CDH2: variants seen among roughly 807,000 people sequenced by gnomAD.
CDH2 encodes cadherin 2.
CDH2 carries 17 observed loss-of-function variants against 92.0 expected under a neutral mutation model. The ratio of observed to expected loss-of-function variants is 0.18; its 90% CI spans 0.13 to 0.28. The LOEUF (loss-of-function observed/expected upper bound fraction) is 0.28. Among genes scored for constraint, CDH2 ranks in the 10% least tolerant of loss-of-function variants. The pLI is 1.00. For missense variants in CDH2, 862 were observed against 1,133.1 expected (o/e 0.76, Z 3.44); for synonymous variants, 419 against 415.9 (o/e 1.01, Z -0.09).
chr18:28,091,457 T>C (rs946840894), intron 2 of CDH2, among the ~76,000 whole-genome samples: 3 of 152,228 alleles, frequency 2.0e-5, no homozygotes, highest in Non-Finnish European at 4.4e-5. Context: ...TCTCTGTATG[T>C]TTTTGTAAAG....
intron 2 of CDH2, among the ~76,000 whole-genome samples, chr18:28,144,710 G>A (rs544678905): frequency 1.3e-5 from 2 of 151,966 alleles, no homozygotes; most frequent in African/African-American, 2.4e-5. Context: ...TGGGACAAAG[G>A]CCTATATAGC....
At chr18:28,153,450 C>T (rs1008559876) in intron 1 of CDH2, among the ~76,000 whole-genome samples, 3 of 152,138 alleles carry the variant, frequency 2.0e-5, no homozygotes, top group Non-Finnish European at 4.4e-5. Context: ...AATGAGATAC[C>T]CCAAAGTCTT....
intron 2 of CDH2, among the ~76,000 whole-genome samples, chr18:28,085,457 G>A (rs545788369): frequency 2.0e-5 from 3 of 151,890 alleles, no homozygotes; most frequent in Non-Finnish European, 2.9e-5. Context: ...TTTCCATCCT[G>A]CCCCTCAAAT....
chr18:28,094,723 A>G (rs1366121170), intron 2 of CDH2, among the ~76,000 whole-genome samples: 25 of 143,046 alleles, frequency 1.7e-4, no homozygotes, highest in Middle Eastern at 3.7e-3. Context: ...GAACCCGGGA[A>G]GCGGAGCTTG....
chr18:27,960,903 T>C (rs1246354736), intron 15 of CDH2, among the ~76,000 whole-genome samples: 1 of 152,140 alleles, frequency 6.6e-6, no homozygotes, highest in African/African-American at 2.4e-5. Context: ...GAGCACTGTT[T>C]AGGAGAAAGA....
intron 2 of CDH2, among the ~76,000 whole-genome samples, chr18:28,114,477 C>T (rs1012387374): frequency 1.3e-5 from 2 of 151,504 alleles, no homozygotes; most frequent in Non-Finnish European, 2.9e-5. Flanking sequence ...TATATCCAAT[C>T]GGAAAAAAAA....
chr18:27,955,384 A>G (rs1309903853), intron 15 of CDH2, among the ~76,000 whole-genome samples: 14 of 86,216 alleles, frequency 1.6e-4, no homozygotes, highest in Non-Finnish European at 2.6e-4. Flanking sequence ...AAAAAAAAAA[A>G]AGAAAAAGAA....
intron 9 of CDH2, among the ~76,000 whole-genome samples, chr18:27,992,163 G>C (rs1359805833): frequency 1.3e-5 from 2 of 152,064 alleles, no homozygotes; most frequent in Non-Finnish European, 2.9e-5. Context: ...TTTCTGGTTT[G>C]TTCACTATCT....
downstream of CDH2, among the ~76,000 whole-genome samples, chr18:27,946,304 A>T (rs1909267057): frequency 6.6e-6 from 1 of 152,180 alleles, no homozygotes; most frequent in South Asian, 2.1e-4. Flanking sequence ...TTAATAGAAT[A>T]ATAATATTTG....
chr18:28,132,574 A>G (rs1387147968), intron 2 of CDH2, among the ~76,000 whole-genome samples: 3 of 152,148 alleles, frequency 2.0e-5, no homozygotes, highest in Non-Finnish European at 2.9e-5. Flanking sequence ...TCACTGATCC[A>G]AAGGGGTTCC....
At chr18:28,154,512 T>A (rs1318612034) in intron 1 of CDH2, among the ~76,000 whole-genome samples, 1 of 152,244 alleles carries the variant, frequency 6.6e-6, no homozygotes, top group Non-Finnish European at 1.5e-5. Flanking sequence ...AGAAGTGTAA[T>A]AGGAGTTGAG....
At chr18:27,996,460 A>G (rs1415298640) in intron 7 of CDH2, among the ~76,000 whole-genome samples, 1 of 152,170 alleles carries the variant, frequency 6.6e-6, no homozygotes, top group Non-Finnish European at 1.5e-5. Flanking sequence ...CTAGAATACC[A>G]TTCCCTTCAT....
At chr18:28,093,375 A>T (rs1296461213) in intron 2 of CDH2, among the ~76,000 whole-genome samples, 1 of 152,128 alleles carries the variant, frequency 6.6e-6, no homozygotes, top group Non-Finnish European at 1.5e-5. Context: ...CAACTAAAAG[A>T]CTGTTTCCAT....
intron 2 of CDH2, chr18:28,096,979 T>C (rs1327497004): frequency 6.6e-6 from 1 of 152,202 alleles, no homozygotes; most frequent in East Asian, 1.9e-4. Flanking sequence ...CATGATAATT[T>C]TAAGCCATCT....
At chr18:28,030,843 A>G (rs1216352078) in intron 2 of CDH2, among the ~76,000 whole-genome samples, 2 of 151,986 alleles carry the variant, frequency 1.3e-5, no homozygotes, top group Admixed American at 6.6e-5. Flanking sequence ...AAAAAAATCA[A>G]TAACCAGAAC....
intron 9 of CDH2, 33 bp downstream of exon 9, chr18:27,992,622 G>A: frequency 6.3e-7 from 1 of 1,578,986 alleles, no homozygotes; most frequent in East Asian, 2.2e-5. Flanking sequence ...CTGAGCAGCT[G>A]TTGGAGAGAT....
At position 27,951,191 on chromosome 18, in the gene CDH2, A is replaced by AAAAC. The variant is rs1909426138; in HGVS notation, c.*958_*961dup. The AAAAC allele has an allele frequency of 6.6e-6, 1 of 150,664 alleles. No individual in the cohort carries two copies. Among genetic ancestry groups the AAAAC allele is most frequent in the Admixed American group, 6.6e-5 (1 of 15,126 alleles). The allele number at this position is 150,664 out of a possible 1,614,324, so 9.3% of individuals were successfully genotyped here. Reference sequence around the variant, plus strand: ...TTTTTTTTTTTGGTACAAATTATGTAAAACATTTGTGCTAAGAACTTTTCT... The same window carrying AAAAC: ...TTTTTTTTTTTGGTACAAATTATGTAAAACAAACATTTGTGCTAAGAACTTTTCT... On this transcript the variant is annotated 3_prime_UTR_variant, in exon 16 of 16. Transcript: ENST00000269141.
intron 1 of CDH2, among the ~76,000 whole-genome samples, chr18:28,168,924 G>A (rs571284887): frequency 3.9e-5 from 6 of 152,192 alleles, no homozygotes; most frequent in African/African-American, 9.6e-5. Flanking sequence ...GGAGAAACCC[G>A]TATGCTTTGT....
At chr18:28,087,221 A>G (rs1339182294) in intron 2 of CDH2, among the ~76,000 whole-genome samples, 2 of 152,168 alleles carry the variant, frequency 1.3e-5, no homozygotes, top group African/African-American at 4.8e-5. Context: ...GATGAAAGAC[A>G]AGTTTGATGC....
Sources: gnomAD v4.1 joint callset for allele counts (sites outside exome capture counted in the v4.1 genomes callset) on GRCh38, gnomAD v4.1.1 for gene constraint, MANE v1.5 for transcripts, NCBI Gene and HGNC (gene_info 2026-07-23, HGNC 2026-07-21) for gene names.